Variants in SH3PXD2B observed in about 807,000 individuals in gnomAD.
The protein encoded by SH3PXD2B is SH3 and PX domain-containing protein 2B.
SH3PXD2B carries 37 observed loss-of-function variants against 73.1 expected under a neutral mutation model. That is an observed-to-expected ratio of 0.51 (90% CI 0.39 to 0.67). The LOEUF is 0.67. Among genes scored for constraint, SH3PXD2B ranks in the 30% least tolerant of loss-of-function variants. The pLI is 0.00. For synonymous variants in SH3PXD2B, 457 were observed against 480.5 expected, an observed-to-expected ratio of 0.95 and a Z score of 0.64; for missense variants, 1,053 against 1,197.8, an observed-to-expected ratio of 0.88 and a Z score of 1.78.
Position 172,358,893 on chromosome 5 carries a change from T to C in SH3PXD2B, c.563-16A>G, listed in dbSNP as rs551897775. 1.3e-4 allele frequency: 205 copies of C among 1,610,568 alleles called. 4 individuals are homozygous for C. The South Asian group carries it at 2.2e-3, about 17-fold the overall frequency. ...AACCACCAACCTGGGGAAGCAAGAG[T>C]GCAGAATGATGTTAGTTGCATCAAG... On this transcript the variant is annotated splice_polypyrimidine_tract_variant and intron_variant, in intron 7 of 12. Coordinates refer to ENST00000311601, the MANE Select transcript of SH3PXD2B (RefSeq NM_001017995.3).
At chr5:172,328,804 C>A (rs941539946), downstream of SH3PXD2B, among the ~76,000 whole-genome samples, 2 of 151,890 alleles carry the variant, frequency 1.3e-5, no homozygotes, top group Non-Finnish European at 2.9e-5. Flanking sequence ...GCTGTGCATA[C>A]CTGCTTCCTG....
At chr5:172,375,277 T>C (rs557505242) in intron 5 of SH3PXD2B, among the ~76,000 whole-genome samples, 10 of 152,182 alleles carry the variant, frequency 6.6e-5, no homozygotes, top group Admixed American at 2.6e-4. Context: ...GGAGAATCGC[T>C]TGAACCTGGG....
Position 172,337,619 on chromosome 5 carries a change from C to T in SH3PXD2B, c.*750G>A, listed in dbSNP as rs969727825. The T allele has an allele frequency of 5.1e-6, 5 of 985,540 alleles. No individual in the cohort carries two copies. The highest frequency in any genetic ancestry group is 6.0e-6 in the Non-Finnish European group (5 of 830,004). 61.0% of individuals were successfully genotyped at this position (985,540 alleles called of 1,614,324 possible). A position where few individuals can be genotyped will look rare whatever the true frequency, so the allele number is the denominator to read the frequency against. The stretch of plus-strand genomic sequence containing the variant: ...TGCTCCAAGTTGGGGTGGGAACTCT[C>T]ATTGAAAAGCCCTGGAGGGACCGGA... On this transcript the variant is annotated 3_prime_UTR_variant, in exon 13 of 13. Transcript: ENST00000311601.
intron 3 of SH3PXD2B, among the ~76,000 whole-genome samples, chr5:172,403,028 C>A (rs1275079044): frequency 6.6e-6 from 1 of 152,266 alleles, no homozygotes; most frequent in East Asian, 1.9e-4. Context: ...TGGCCAGGGC[C>A]TCCCTGGTGA....
rs80172540 is a variant in SH3PXD2B, at chr5:172,359,142, G to C, written c.563-265C>G. Among the ~76,000 whole-genome samples the C allele has an allele frequency of 0.042, 6,350 of 152,194 alleles. 212 individuals carry two copies. Among genetic ancestry groups the C allele is most frequent in the South Asian group, 0.2 (946 of 4,800 alleles). The stretch of plus-strand genomic sequence containing the variant: ...AGGCAGGGCACGGTGGCTCATGCCT[G>C]TAATCCCAGCACTTTGGATGGATTG... On this transcript the variant is annotated intron_variant, in intron 7 of 12. Coordinates refer to ENST00000311601, the MANE Select transcript of SH3PXD2B (RefSeq NM_001017995.3).
Position 172,445,170 on chromosome 5 carries a change from G to A in SH3PXD2B, c.75+9108C>T, listed in dbSNP as rs1299899007. ...GGACCAGGTCCCCCAGAAGCCCAGGGCACCTGTCTGCCTGTCAGGACACTG... is the reference window on the plus strand; with the variant it reads ...GGACCAGGTCCCCCAGAAGCCCAGGACACCTGTCTGCCTGTCAGGACACTG... On this transcript the variant is annotated intron_variant, in intron 1 of 12. Coordinates refer to ENST00000311601, the MANE Select transcript of SH3PXD2B (RefSeq NM_001017995.3). This position sits in a 1 kb window ranked among gnomAD's most constrained non-coding sequence, Gnocchi z 5.2. Among the ~76,000 whole-genome samples the A allele has an allele frequency of 6.6e-6, 1 of 152,154 alleles. No individual in the cohort carries two copies. The highest frequency in any genetic ancestry group is 6.5e-5 in the Admixed American group (1 of 15,282).
intron 1 of SH3PXD2B, among the ~76,000 whole-genome samples, chr5:172,449,093 A>G (rs1225432356): frequency 6.6e-6 from 1 of 152,180 alleles, no homozygotes; most frequent in Non-Finnish European, 1.5e-5. Flanking sequence ...AGCCTGGCAA[A>G]TCAAAGAGGG....
At chr5:172,436,912 C>T (rs1051753071) in intron 1 of SH3PXD2B, among the ~76,000 whole-genome samples, 1 of 152,128 alleles carries the variant, frequency 6.6e-6, no homozygotes, top group East Asian at 1.9e-4. Context: ...GGACTATGTC[C>T]GAAGGTCCCT....
chr5:172,418,646 G>A (rs115066443), intron 2 of SH3PXD2B, among the ~76,000 whole-genome samples: 1 of 152,238 alleles, frequency 6.6e-6, no homozygotes. Flanking sequence ...CTGCTGGGGT[G>A]TGTGTGGGGG....
At chr5:172,423,550 G>A (rs1054971418) in intron 1 of SH3PXD2B, among the ~76,000 whole-genome samples, 7 of 145,930 alleles carry the variant, frequency 4.8e-5, no homozygotes, top group African/African-American at 1.3e-4. Context: ...GGGGTTGGGG[G>A]GGGGGGCGCA....
At chr5:172,359,942 G>T (rs116317205) in intron 7 of SH3PXD2B, among the ~76,000 whole-genome samples, 3 of 152,120 alleles carry the variant, frequency 2.0e-5, no homozygotes, top group African/African-American at 4.8e-5. Context: ...CATTGCTGGC[G>T]CTGAAGAAGG....
chr5:172,325,193 C>T, exon 13 of SH3PXD2B: 3 of 947,676 alleles, frequency 3.2e-6, no homozygotes, highest in Non-Finnish European at 3.2e-6. Flanking sequence ...TTGTATTACG[C>T]ATATTTTACC....
chr5:172,377,808 A>T (rs1009233170), intron 5 of SH3PXD2B, among the ~76,000 whole-genome samples: 6 of 152,180 alleles, frequency 3.9e-5, no homozygotes, highest in Non-Finnish European at 7.3e-5. Context: ...TCTTTGGTAC[A>T]GTCTGGGCTG....
intron 7 of SH3PXD2B, among the ~76,000 whole-genome samples, chr5:172,361,890 G>A (rs1757412646): frequency 6.6e-6 from 1 of 152,144 alleles, no homozygotes; most frequent in Admixed American, 6.6e-5. Flanking sequence ...ACTCGCCATT[G>A]GGCTGTCACA....
chr5:172,442,154 C>T (rs1480466756), intron 1 of SH3PXD2B, among the ~76,000 whole-genome samples: 7 of 152,176 alleles, frequency 4.6e-5, no homozygotes, highest in South Asian at 2.1e-4. Flanking sequence ...CTATCATTTC[C>T]GTTCTGCAGT....
At chr5:172,396,686 C>T (rs185812813) in intron 3 of SH3PXD2B, among the ~76,000 whole-genome samples, 323 of 151,042 alleles carry the variant, frequency 2.1e-3, no homozygotes, top group Middle Eastern at 3.4e-3. Context: ...GTGGCTCACG[C>T]CTGTAATCCC....
At chr5:172,397,788 G>T (rs6556023) in intron 3 of SH3PXD2B, among the ~76,000 whole-genome samples, 1 of 152,066 alleles carries the variant, frequency 6.6e-6, no homozygotes, top group African/African-American at 2.4e-5. Flanking sequence ...AATATTCCAC[G>T]TAACTCTTAT....
chr5:172,335,283 C>T lies in SH3PXD2B; in HGVS notation c.*3086G>A. 8.8e-7 allele frequency: 1 copy of T among 1,131,286 alleles called. No homozygotes were observed. Among genetic ancestry groups the T allele is most frequent in the Non-Finnish European group, 1.1e-6 (1 of 925,066 alleles). 70.1% of individuals were successfully genotyped at this position (1,131,286 alleles called of 1,614,324 possible). ...GCCCACCTTTTGGGCTGCCATTTGG[C>T]CTGTGACCTACTGAAATGTGTGAGC... On this transcript the variant is annotated 3_prime_UTR_variant, in exon 13 of 13. Transcript: ENST00000311601.
At chr5:172,443,176 T>G (rs1371523008) in intron 1 of SH3PXD2B, among the ~76,000 whole-genome samples, 1 of 152,148 alleles carries the variant, frequency 6.6e-6, no homozygotes, top group East Asian at 1.9e-4. Context: ...ACACCGTAAC[T>G]TGGAAATAGT....
Sources: allele counts gnomAD v4.1 joint callset (sites outside exome capture counted in the v4.1 genomes callset), GRCh38; gene constraint gnomAD v4.1.1; non-coding constraint Gnocchi (gnomAD v3.1); transcripts MANE v1.5; gene names NCBI Gene and HGNC (gene_info 2026-07-23, HGNC 2026-07-21).